RPUSD1: variants seen among roughly 807,000 people sequenced by gnomAD.
RPUSD1 encodes RNA pseudouridine synthase domain containing 1.
In RPUSD1, 28 loss-of-function variants were observed where a neutral mutation model predicts 22.4. The observed-to-expected ratio is 1.25, with a 90% CI of 0.93 to 1.72. The LOEUF is 1.72. Ranked by LOEUF, RPUSD1 falls within the 40% of genes most tolerant of loss-of-function variation. The pLI, the probability that RPUSD1 is intolerant of heterozygous loss-of-function variation, is 0.00. For synonymous variants in RPUSD1, 298 were observed against 201.0 expected, an observed-to-expected ratio of 1.48 and a Z score of -4.08; for missense variants, 596 against 442.2, an observed-to-expected ratio of 1.35 and a Z score of -3.12.
chr16:787,672 G>A lies in RPUSD1; in HGVS notation c.66C>T (p.Asn22=), dbSNP rs761954770. 3.7e-5 allele frequency: 60 copies of A among 1,612,272 alleles called. No homozygotes were observed. Among genetic ancestry groups the A allele is most frequent in the Non-Finnish European group, 7.6e-6 (9 of 1,179,972 alleles). ...VYRSRDFLVV[N]KHWDVRIDSK... ...TGTCAATGCGAACGTCCCAGTGCTT[G>A]TTGACCACCAGGAAGTCGCGGCTCC... Residue 22 remains asparagine, a synonymous_variant, in exon 2 of 6, where the codon AAC becomes AAT. Coordinates refer to ENST00000007264, the MANE Select transcript of RPUSD1 (RefSeq NM_058192.3).
In RPUSD1 at chr16:787,696, C is replaced by G. The variant is rs1386681699; in HGVS notation, c.42G>C (p.Arg14=). The G allele has an allele frequency of 1.9e-6, 3 of 1,611,954 alleles. No individual in the cohort carries two copies. The highest frequency in any genetic ancestry group is 2.2e-5 in the East Asian group (1 of 44,872). Residue 14 remains arginine (R), a synonymous_variant, in exon 2 of 6, where the codon CGG becomes CGC. Coordinates refer to ENST00000007264, the MANE Select transcript of RPUSD1 (RefSeq NM_058192.3). The stretch of plus-strand genomic sequence containing the variant: ...TGTTGACCACCAGGAAGTCGCGGCT[C>G]CGGTACACGATGGACAGGTTCTCCA... ...GSVENLSIVY[R]SRDFLVVNKH... is the part of the protein sequence containing the mutation.
chr16:786,018 CAG>C lies in RPUSD1; in HGVS notation c.869_870del (p.Pro290ArgfsTer3), dbSNP rs776609375. 2.2e-5 allele frequency: 33 copies of C among 1,491,452 alleles called. No individual in the cohort carries two copies. The highest frequency in any genetic ancestry group is 2.8e-5 in the Non-Finnish European group (32 of 1,124,134). The allele number at this position is 1,491,452 out of a possible 1,614,324, so 92.4% of individuals were successfully genotyped here. On this transcript the variant is annotated frameshift_variant, in exon 6 of 6. Coordinates refer to ENST00000007264, the MANE Select transcript of RPUSD1 (RefSeq NM_058192.3). LOFTEE classifies it high-confidence loss of function. ...GRPPPPPTKP[P>X]ETEAQRGPCL... ...CAGGGGCCCCGCTGTGCCTCAGTCT[CAG>C]GGGGCTTGGTTGGGGGTGGAGGAGG...
Position 786,042 on chromosome 16 carries a change from G to C in RPUSD1, c.847C>G (p.Pro283Ala). 2.0e-6 allele frequency: 3 copies of C among 1,514,046 alleles called. No homozygotes were observed. Among genetic ancestry groups the C allele is most frequent in the Non-Finnish European group, 2.6e-6 (3 of 1,133,392 alleles). 93.8% of individuals were successfully genotyped at this position (1,514,046 alleles called of 1,614,324 possible). A position where few individuals can be genotyped will look rare whatever the true frequency, so the allele number is the denominator to read the frequency against. The change falls in exon 6 of 6, where the codon CCT becomes GCT. Residue 283 changes from proline to alanine, a missense_variant. Transcript: ENST00000007264. ...TCAGGGGGCTTGGTTGGGGGTGGAG[G>C]AGGCCGGCCGGGCCCAGGCAGGAGT... is the stretch of plus-strand genomic sequence containing the variant. ...SALLPGPGRP[P>A]PPPTKPPETE...
intron 2 of RPUSD1, 22 bp downstream of exon 2, chr16:787,534 G>C (rs547666072): frequency 6.2e-7 from 1 of 1,605,626 alleles, no homozygotes; most frequent in East Asian, 2.2e-5. Flanking sequence ...CGCCACCGTG[G>C]GGCTCCGGCC....
Position 786,279 on chromosome 16 carries a change from A to T in RPUSD1, c.610T>A (p.Phe204Ile). ...GEVSGREDRP[F>I]RMMLHAFYLR... is the part of the protein sequence containing the mutation. Reference sequence around the variant, plus strand: ...TAGAAAGCGTGCAGCATCATTCTGAACGGCCGGTCCTCCCGGCCCGAGACT... The same window carrying T: ...TAGAAAGCGTGCAGCATCATTCTGATCGGCCGGTCCTCCCGGCCCGAGACT... The change falls in exon 6 of 6, where the codon TTC (phenylalanine) becomes ATC (isoleucine). Residue 204 changes from phenylalanine to isoleucine, a missense_variant. Phe to Ile is a conservative substitution (Grantham distance 21, BLOSUM62 0). Coordinates refer to ENST00000007264, the MANE Select transcript of RPUSD1 (RefSeq NM_058192.3). The T allele has an allele frequency of 6.2e-7, 1 of 1,612,666 alleles. No homozygotes were observed. Among genetic ancestry groups the T allele is most frequent in the African/African-American group, 1.3e-5 (1 of 75,032 alleles).
In RPUSD1 at chr16:787,172, C is replaced by G; in HGVS notation, c.314G>C (p.Gly105Ala). 6.2e-7 allele frequency: 1 copy of G among 1,603,890 alleles called. No homozygotes were observed. The highest frequency in any genetic ancestry group is 1.7e-5 in the Admixed American group (1 of 59,814). Reference protein sequence around the residue: ...VTKAYLALLRGHIQESRVTIS... With the variant: ...VTKAYLALLRAHIQESRVTIS... ...GGTTACCCGGCTCTCCTGGATGTGC[C>G]CCCGCAGCTGCAGGAGAGGGAGAAT... Residue 105 changes from glycine (G) to alanine (A), a missense_variant, in exon 4 of 6, where the codon GGG becomes GCG. By Grantham distance (60) the Gly-to-Ala change is moderately conservative. Coordinates refer to ENST00000007264, the MANE Select transcript of RPUSD1 (RefSeq NM_058192.3).
rs373729275 is a variant in RPUSD1 at position 788,072 on chromosome 16, G to A, written c.-8+184C>T. ...TGCACGTGAATGCCTCTGCCCGACG[G>A]TGGGGGCGGGGAGGGGCTGCAGCAC... On this transcript the variant is annotated intron_variant, in intron 1 of 5. Coordinates refer to ENST00000007264, the MANE Select transcript of RPUSD1 (RefSeq NM_058192.3). The A allele has an allele frequency of 7.4e-4, 366 of 492,666 alleles. 2 individuals are homozygous for A. The highest frequency in any genetic ancestry group is 6.7e-3 in the African/African-American group (343 of 51,166). 30.5% of individuals were successfully genotyped at this position (492,666 alleles called of 1,614,324 possible). A position where few individuals can be genotyped will look rare whatever the true frequency, so the allele number is the denominator to read the frequency against.
rs2041867393 is a variant in RPUSD1, at chr16:785,409, CAGG to C, written c.*538_*540del. 6 of 153,440 alleles carry C rather than the reference CAGG, an allele frequency of 3.9e-5. 1 individual carries two copies. Among genetic ancestry groups the C allele is most frequent in the African/African-American group, 1.4e-4 (6 of 41,618 alleles). The allele number at this position is 153,440 out of a possible 1,614,324, so 9.5% of individuals were successfully genotyped here. ...CTCGGGAGGAGGCAGCTGAGGGCGACAGGATCTGCACAGAGCAGTGAGGGGCAG... is the reference window on the plus strand; with the variant it reads ...CTCGGGAGGAGGCAGCTGAGGGCGACATCTGCACAGAGCAGTGAGGGGCAG... On this transcript the variant is annotated 3_prime_UTR_variant, in exon 6 of 6. Transcript: ENST00000007264.
In RPUSD1 at chr16:786,815, C is replaced by A. The variant is rs948307656; in HGVS notation, c.511+12G>T. 6.2e-7 allele frequency: 1 copy of A among 1,609,208 alleles called. No homozygotes were observed. The highest frequency in any genetic ancestry group is 1.3e-5 in the African/African-American group (1 of 74,838). On this transcript the variant is annotated intron_variant, in intron 5 of 5. Transcript: ENST00000007264. ...TCTGTCACCACCAGGACACCGCCCA[C>A]CCCAGACACACCCGTGAGCGGCTTC... is the stretch of plus-strand genomic sequence containing the variant.
In RPUSD1 at chr16:786,260, G is replaced by C. The variant is rs267604653; in HGVS notation, c.629C>G (p.Ala210Gly). 1 of 1,612,780 alleles carries C rather than the reference G, an allele frequency of 6.2e-7. No homozygotes were observed. Residue 210 changes from alanine (A) to glycine (G), a missense_variant, in exon 6 of 6, where the codon GCT becomes GGT. By Grantham distance (60) the Ala-to-Gly change is moderately conservative (BLOSUM62 0). Transcript: ENST00000007264. Reference protein sequence around the residue: ...EDRPFRMMLHAFYLRIPTDTE... With the variant: ...EDRPFRMMLHGFYLRIPTDTE... The stretch of plus-strand genomic sequence containing the variant: ...GTCCGTGGGGATGCGCAGGTAGAAA[G>C]CGTGCAGCATCATTCTGAACGGCCG...
At position 786,864 on chromosome 16, in the gene RPUSD1, G is replaced by A. The variant is rs562783734; in HGVS notation, c.474C>T (p.Gly158=). 8.1e-6 allele frequency: 13 copies of A among 1,613,144 alleles called. No individual in the cohort carries two copies. The highest frequency in any genetic ancestry group is 1.3e-5 in the African/African-American group (1 of 74,920). ...LVVLEHGLYA[G]DPVSKVLLKP... ...TCAGCAGCACTTTGGAGACAGGATC[G>A]CCTGCGTACAGCCCGTGTTCCAGAA... The change falls in exon 5 of 6, where the codon GGC becomes GGT. Residue 158 remains glycine, a synonymous_variant. Coordinates refer to ENST00000007264, the MANE Select transcript of RPUSD1 (RefSeq NM_058192.3).
chr16:788,213 G>A (rs1340739183), intron 1 of RPUSD1, 43 bp downstream of exon 1: 1 of 398,522 alleles, frequency 2.5e-6, no homozygotes, highest in African/African-American at 2.2e-5. Context: ...GGCCGACCCT[G>A]GCTCCGAGCC....
chr16:787,346 G>C lies in RPUSD1; in HGVS notation c.306+8C>G. 2 of 1,581,678 alleles carry C rather than the reference G, an allele frequency of 1.3e-6. No individual in the cohort carries two copies. Among genetic ancestry groups the C allele is most frequent in the Non-Finnish European group, 1.7e-6 (2 of 1,164,672 alleles). ...CCACGCCCCACCCCAGGACTGACCA[G>C]GTCTTACCAATGCCAGGTAAGCCTT... On this transcript the variant is annotated splice_region_variant and intron_variant, in intron 3 of 5. Coordinates refer to ENST00000007264, the MANE Select transcript of RPUSD1 (RefSeq NM_058192.3).
In RPUSD1 at chr16:786,890, C is replaced by T; in HGVS notation, c.448G>A (p.Val150Ile). Residue 150 changes from valine (V) to isoleucine (I), a missense_variant, in exon 5 of 6, where the codon GTT becomes ATT. Transcript: ENST00000007264. ...CCTGCGTACAGCCCGTGTTCCAGAA[C>T]CACGAGATCTGTGAGGCTTGGCTTT... The part of the protein sequence containing the change: ...NPKPSLTDLV[V>I]LEHGLYAGDP... 1.2e-6 allele frequency: 2 copies of T among 1,613,390 alleles called. No homozygotes were observed. Among genetic ancestry groups the T allele is most frequent in the East Asian group, 2.2e-5 (1 of 44,876 alleles).
intron 1 of RPUSD1, 114 bp from the exon 2 acceptor site, chr16:787,858 G>A: frequency 1.9e-6 from 2 of 1,055,318 alleles, no homozygotes; most frequent in Non-Finnish European, 2.7e-6. Flanking sequence ...CACCGAGCCG[G>A]GTCCGCAGCC....
intron 3 of RPUSD1, 72 bp downstream of exon 3, chr16:787,282 G>A: frequency 6.5e-7 from 1 of 1,547,958 alleles, no homozygotes; most frequent in East Asian, 2.4e-5. Flanking sequence ...GGGAGGCTCT[G>A]AGCCAGGGCT....
At position 787,580 on chromosome 16, in the gene RPUSD1, T is replaced by C. The variant is rs1567381532; in HGVS notation, c.158A>G (p.Asp53Gly). ...QLRYRFPELADPDTCYGFRFC... is the reference protein window; with the variant it reads ...QLRYRFPELAGPDTCYGFRFC... ...CCTGAACCCGTAGCAGGTGTCAGGGTCGGCCAGCTCGGGAAAGCGGTACCG... is the reference window on the plus strand; with the variant it reads ...CCTGAACCCGTAGCAGGTGTCAGGGCCGGCCAGCTCGGGAAAGCGGTACCG... The change falls in exon 2 of 6, where the codon GAC becomes GGC. Residue 53 changes from aspartate to glycine, a missense_variant. By Grantham distance (94) the Asp-to-Gly change is moderately conservative. Transcript: ENST00000007264. 1.2e-6 allele frequency: 2 copies of C among 1,610,998 alleles called. No homozygotes were observed. Among genetic ancestry groups the C allele is most frequent in the Non-Finnish European group, 8.5e-7 (1 of 1,179,836 alleles).
chr16:787,720 C>T lies in RPUSD1; in HGVS notation c.18G>A (p.Val6=), dbSNP rs1306060685. 1 of 1,610,918 alleles carries T rather than the reference C, an allele frequency of 6.2e-7. No individual in the cohort carries two copies. The highest frequency in any genetic ancestry group is 1.7e-5 in the Admixed American group (1 of 60,008). The change falls in exon 2 of 6, where the codon GTG becomes GTA. Residue 6 remains valine, a synonymous_variant. Coordinates refer to ENST00000007264, the MANE Select transcript of RPUSD1 (RefSeq NM_058192.3). ...TCCGGTACACGATGGACAGGTTCTC[C>T]ACGCTGCCTGGCTCCATGGCCGGCC... The part of the protein sequence containing the change: MEPGS[V]ENLSIVYRSR...
chr16:785,963 T>C lies in RPUSD1; in HGVS notation c.926A>G (p.Glu309Gly). 1.4e-6 allele frequency: 2 copies of C among 1,440,212 alleles called. No individual in the cohort carries two copies. The highest frequency in any genetic ancestry group is 1.8e-6 in the Non-Finnish European group (2 of 1,099,934). The allele number at this position is 1,440,212 out of a possible 1,614,324, so 89.2% of individuals were successfully genotyped here. A position where few individuals can be genotyped will look rare whatever the true frequency, so the allele number is the denominator to read the frequency against. Reference protein sequence around the residue: ...CLQWLSEWTLEPDS With the variant: ...CLQWLSEWTLGPDS ...GCCCCACGGCTCTCAGCTGTCCGGT[T>C]CCAGCGTCCACTCCGACAGCCACTG... The change falls in exon 6 of 6, where the codon GAA becomes GGA. Residue 309 changes from glutamate to glycine, a missense_variant. By Grantham distance (98) the Glu-to-Gly change is moderately conservative. Coordinates refer to ENST00000007264, the MANE Select transcript of RPUSD1 (RefSeq NM_058192.3).
Sources: gnomAD v4.1 joint callset for allele counts on GRCh38, gnomAD v4.1.1 for gene constraint, MANE v1.5 for transcripts, NCBI Gene and HGNC (gene_info 2026-07-23, HGNC 2026-07-21) for gene names.